ERGIC2: variants seen among roughly 807,000 people sequenced by gnomAD.
ERGIC2 encodes ERGIC and golgi 2.
In ERGIC2, 31 loss-of-function variants were observed where a neutral mutation model predicts 52.5. That is an observed-to-expected ratio of 0.59 (90% CI 0.44 to 0.80). The LOEUF is 0.80. ERGIC2 is among the 30% of genes least tolerant of loss of function. ERGIC2 has a pLI of 0.00. For missense variants in ERGIC2, 395 were observed against 455.2 expected, an observed-to-expected ratio of 0.87 and a Z score of 1.20; for synonymous variants, 129 against 140.6, an observed-to-expected ratio of 0.92 and a Z score of 0.58.
intron 5 of ERGIC2, among the ~76,000 whole-genome samples, chr12:29,366,105 A>C (rs1940358728): frequency 6.6e-6 from 1 of 151,952 alleles, no homozygotes; most frequent in Non-Finnish European, 1.5e-5. Flanking sequence ...ATTTGCTAAA[A>C]GAAAGGTTCA....
chr12:29,350,260 A>C (rs1940113380), intron 8 of ERGIC2, among the ~76,000 whole-genome samples, 192 bp from the exon 9 acceptor site: 1 of 152,122 alleles, frequency 6.6e-6, no homozygotes, highest in African/African-American at 2.4e-5. Context: ...AGGTTGGCAA[A>C]CATTTTTGGC....
At chr12:29,353,749 G>C (rs1271445390) in intron 8 of ERGIC2, among the ~76,000 whole-genome samples, 1 of 150,576 alleles carries the variant, frequency 6.6e-6, no homozygotes, top group Non-Finnish European at 1.5e-5. Context: ...TTGTTAACAG[G>C]TGTATTCATT....
chr12:29,356,343 C>G, intron 8 of ERGIC2, 39 bp downstream of exon 8: 4 of 1,243,368 alleles, frequency 3.2e-6, no homozygotes, highest in Non-Finnish European at 4.7e-6. Context: ...CAAGCTCCAA[C>G]TTTGTCTAAA....
In ERGIC2 at chr12:29,367,777, T is replaced by C. The variant is rs527770417; in HGVS notation, c.262+464A>G. On this transcript the variant is annotated intron_variant, in intron 4 of 13. Coordinates refer to ENST00000360150, the MANE Select transcript of ERGIC2 (RefSeq NM_016570.3). ...ATTAGCATTTTTCCACTTCTATTAG[T>C]ATAACCAAGTGAGTCCAGTGACGAA... Among the ~76,000 whole-genome samples, 11 of 151,946 alleles carry C rather than the reference T, an allele frequency of 7.2e-5. 1 individual carries two copies. The South Asian group carries it at 8.3e-4, about 11-fold the overall frequency.
intron 1 of ERGIC2, among the ~76,000 whole-genome samples, chr12:29,372,079 C>A (rs1432131089): frequency 6.6e-6 from 1 of 152,124 alleles, no homozygotes; most frequent in Non-Finnish European, 1.5e-5. Flanking sequence ...GTCGCTCACG[C>A]CTGTAATCCC....
At chr12:29,348,216 C>T (rs1200352086) in intron 10 of ERGIC2, among the ~76,000 whole-genome samples, 1 of 151,816 alleles carries the variant, frequency 6.6e-6, no homozygotes, top group East Asian at 1.9e-4. Context: ...ATTCTAAATT[C>T]TAAACATCTT....
At chr12:29,363,960 C>A (rs1389387185) in intron 5 of ERGIC2, among the ~76,000 whole-genome samples, 2 of 151,838 alleles carry the variant, frequency 1.3e-5, no homozygotes, top group Admixed American at 6.6e-5. Context: ...TTCTCAGCAT[C>A]CAAAAGAAAC....
chr12:29,353,713 T>A (rs1343293519), intron 8 of ERGIC2, among the ~76,000 whole-genome samples: 5 of 80,508 alleles, frequency 6.2e-5, no homozygotes, highest in Non-Finnish European at 1.2e-4. Context: ...AGAGCTGTTT[T>A]AAATAATATT....
rs1401338996 is a variant in ERGIC2, at chr12:29,349,125, T to C, written c.681A>G (p.Pro227=). 11 of 1,584,090 alleles carry C rather than the reference T, an allele frequency of 6.9e-6. No individual in the cohort carries two copies. The highest frequency in any genetic ancestry group is 9.4e-6 in the Non-Finnish European group (11 of 1,166,298). ...IDHLSFGELV[P]AIINPLDGTE... is the part of the protein sequence containing the mutation. Reference sequence around the variant, plus strand: ...TTCCATCTAAAGGATTAATAATTGCTGGAACAAGCTCTCCAAAAGACAAAT... The same window carrying C: ...TTCCATCTAAAGGATTAATAATTGCCGGAACAAGCTCTCCAAAAGACAAAT... Residue 227 remains proline (P), a synonymous_variant, in exon 10 of 14, where the codon CCA becomes CCG. Transcript: ENST00000360150.
chr12:29,357,660 T>G lies in ERGIC2; in HGVS notation c.439A>C (p.Ser147Arg). 1 of 1,607,514 alleles carries G rather than the reference T, an allele frequency of 6.2e-7. No homozygotes were observed. Among genetic ancestry groups the G allele is most frequent in the South Asian group, 1.1e-5 (1 of 90,786 alleles). The change falls in exon 7 of 14, where the codon AGT (serine) becomes CGT (arginine). Residue 147 changes from serine (S) to arginine (R), a missense_variant. Transcript: ENST00000360150. ...EHSLQDVIFK[S>R]AFKSTSTALP... ...GCTGTTGATGTACTTTTAAAAGCAC[T>G]TTTAAATATCACATCTTGAAGTGAA...
intron 1 of ERGIC2, among the ~76,000 whole-genome samples, chr12:29,377,423 C>A (rs1030321074): frequency 3.4e-4 from 52 of 152,158 alleles, no homozygotes; most frequent in African/African-American, 1.1e-3. Context: ...ATAACCTATG[C>A]ACATCCTCTT....
At chr12:29,354,340 G>A (rs970367669) in intron 8 of ERGIC2, among the ~76,000 whole-genome samples, 1 of 152,020 alleles carries the variant, frequency 6.6e-6, no homozygotes, top group Non-Finnish European at 1.5e-5. Flanking sequence ...TCTCATCAAC[G>A]GAAATGTCAC....
chr12:29,368,584 T>G (rs1940396232), intron 3 of ERGIC2, among the ~76,000 whole-genome samples: 1 of 151,890 alleles, frequency 6.6e-6, no homozygotes, highest in Non-Finnish European at 1.5e-5. Flanking sequence ...CCTCTTAATC[T>G]CTATTTACAT....
intron 5 of ERGIC2, among the ~76,000 whole-genome samples, chr12:29,363,033 A>G (rs1324254853): frequency 6.6e-6 from 1 of 152,180 alleles, no homozygotes; most frequent in Non-Finnish European, 1.5e-5. Flanking sequence ...TGTAGGCCCT[A>G]TGCTAATTCA....
At chr12:29,379,091 T>C (rs1471735298) in intron 1 of ERGIC2, among the ~76,000 whole-genome samples, 2 of 152,148 alleles carry the variant, frequency 1.3e-5, no homozygotes, top group African/African-American at 2.4e-5. Context: ...AGAGAGACTA[T>C]AGAGTGATAA....
At chr12:29,356,524 C>A in intron 7 of ERGIC2, 47 bp from the exon 8 acceptor site, 6 of 981,890 alleles carry the variant, frequency 6.1e-6, no homozygotes, top group East Asian at 2.6e-5. Context: ...ATACAGTTAC[C>A]ATTTTATGAT....
At chr12:29,371,449 C>G in intron 2 of ERGIC2, 79 bp downstream of exon 2, 1 of 899,090 alleles carries the variant, frequency 1.1e-6, no homozygotes, top group South Asian at 1.9e-5. Context: ...TTCCTCATGG[C>G]TACATTTCTA....
intron 5 of ERGIC2, among the ~76,000 whole-genome samples, chr12:29,364,947 A>T (rs1300845453): frequency 6.8e-6 from 1 of 147,960 alleles, no homozygotes. Flanking sequence ...AAAAGTCAAA[A>T]AGAAAAAAAA....
intron 2 of ERGIC2, 49 bp downstream of exon 2, chr12:29,371,479 C>T (rs775373377): frequency 9.1e-6 from 11 of 1,204,034 alleles, no homozygotes; most frequent in Admixed American, 6.7e-5. Flanking sequence ...GACTGGATCA[C>T]GCAGAAGTTG....
Sources: allele counts gnomAD v4.1 joint callset (sites outside exome capture counted in the v4.1 genomes callset), GRCh38; gene constraint gnomAD v4.1.1; transcripts MANE v1.5; gene names NCBI Gene and HGNC (gene_info 2026-07-23, HGNC 2026-07-21).